The following CTNND2 variants were observed in gnomAD, a reference collection of about 807,000 sequenced individuals.
CTNND2 encodes the protein catenin delta 2.
CTNND2 carries 22 observed loss-of-function variants against 144.4 expected under a neutral mutation model. The observed-to-expected ratio is 0.15, with a 90% CI of 0.11 to 0.22. The LOEUF (loss-of-function observed/expected upper bound fraction) is 0.22. Ranked by LOEUF, CTNND2 falls within the 10% of genes least tolerant of loss-of-function variation. The pLI is 1.00. For missense variants in CTNND2, 1,353 were observed against 1,618.8 expected, an observed-to-expected ratio of 0.84 and a Z score of 2.82; for synonymous variants, 751 against 695.6, an observed-to-expected ratio of 1.08 and a Z score of -1.25.
At chr5:11,277,622 C>T (rs1231352712) in intron 9 of CTNND2, among the ~76,000 whole-genome samples, 1 of 151,902 alleles carries the variant, frequency 6.6e-6, no homozygotes, top group Non-Finnish European at 1.5e-5. Flanking sequence ...GCCTCAACCT[C>T]CGAGGTTCAA....
At chr5:11,234,804 C>G (rs189550540) in intron 10 of CTNND2, among the ~76,000 whole-genome samples, 1 of 152,286 alleles carries the variant, frequency 6.6e-6, no homozygotes, top group East Asian at 1.9e-4. Flanking sequence ...CTTCTGACAG[C>G]TTTGAAGCCT....
At chr5:11,044,458 T>A (rs1352447538) in intron 16 of CTNND2, among the ~76,000 whole-genome samples, 1 of 151,968 alleles carries the variant, frequency 6.6e-6, no homozygotes, top group Non-Finnish European at 1.5e-5. Context: ...ATTTTCTATG[T>A]ACATTTCATA....
intron 9 of CTNND2, among the ~76,000 whole-genome samples, chr5:11,268,091 G>A (rs891478343): frequency 6.6e-6 from 1 of 152,162 alleles, no homozygotes; most frequent in African/African-American, 2.4e-5. Flanking sequence ...AAAGAAGTAG[G>A]GGTTTTTAGA....
intron 15 of CTNND2, among the ~76,000 whole-genome samples, chr5:11,093,501 A>G (rs116185962): frequency 6.6e-6 from 1 of 152,284 alleles, no homozygotes; most frequent in African/African-American, 2.4e-5. Flanking sequence ...TGAGTGTTTT[A>G]AAGTTTAAAA....
chr5:11,331,382 G>A (rs1020150416), intron 9 of CTNND2, among the ~76,000 whole-genome samples: 1 of 152,244 alleles, frequency 6.6e-6, no homozygotes, highest in Non-Finnish European at 1.5e-5. Flanking sequence ...CAGAACTTTG[G>A]TTCTAAAGGC....
At chr5:11,472,512 G>A (rs1228329895) in intron 3 of CTNND2, among the ~76,000 whole-genome samples, 4 of 152,054 alleles carry the variant, frequency 2.6e-5, no homozygotes, top group South Asian at 2.1e-4. Context: ...TTAAATCTAT[G>A]AGTGTATTTG....
At chr5:11,530,292 G>A (rs1339773589) in intron 3 of CTNND2, among the ~76,000 whole-genome samples, 1 of 152,054 alleles carries the variant, frequency 6.6e-6, no homozygotes, top group African/African-American at 2.4e-5. Context: ...AAATGGGTAG[G>A]AGTTGAATAA....
chr5:11,181,504 G>A (rs1580511860), intron 11 of CTNND2, among the ~76,000 whole-genome samples: 1 of 152,160 alleles, frequency 6.6e-6, no homozygotes, highest in African/African-American at 2.4e-5. Context: ...AGCTCTAAAA[G>A]CACTGTGGAA....
chr5:11,357,662 G>A (rs10038483), intron 8 of CTNND2, among the ~76,000 whole-genome samples: 38,390 of 151,810 alleles, frequency 0.25, 5,163 homozygotes, highest in South Asian at 0.34. Context: ...GTATATTACA[G>A]AATAGCTAGA....
intron 9 of CTNND2, among the ~76,000 whole-genome samples, chr5:11,314,931 T>C (rs1285034617): frequency 6.6e-6 from 1 of 152,224 alleles, no homozygotes; most frequent in Non-Finnish European, 1.5e-5. Context: ...ATAAAGTTTT[T>C]TTAGAATAAG....
chr5:11,120,398 G>A (rs1753976720), intron 12 of CTNND2, among the ~76,000 whole-genome samples: 1 of 151,604 alleles, frequency 6.6e-6, no homozygotes, highest in Admixed American at 6.6e-5. Context: ...GTGAGGCTCA[G>A]TATACATACG....
At chr5:11,552,772 A>C (rs1360066409) in intron 3 of CTNND2, among the ~76,000 whole-genome samples, 1 of 152,242 alleles carries the variant, frequency 6.6e-6, no homozygotes, top group Non-Finnish European at 1.5e-5. Flanking sequence ...AGTCATCCCA[A>C]GATTGATGAC....
intron 8 of CTNND2, 70 bp from the exon 9 acceptor site, chr5:11,346,697 G>A (rs1754828761): frequency 7.4e-7 from 1 of 1,346,750 alleles, no homozygotes; most frequent in Non-Finnish European, 9.6e-7. Context: ...ACCAGGTCTA[G>A]GCAGGGGCAG....
At chr5:11,667,050 G>A (rs542727874) in intron 2 of CTNND2, among the ~76,000 whole-genome samples, 1 of 152,152 alleles carries the variant, frequency 6.6e-6, no homozygotes, top group African/African-American at 2.4e-5. Flanking sequence ...AGTTTACTGA[G>A]AATGATGGTT....
At chr5:11,565,988 T>C (rs1777062742) in intron 2 of CTNND2, among the ~76,000 whole-genome samples, 1 of 152,216 alleles carries the variant, frequency 6.6e-6, no homozygotes, top group Admixed American at 6.5e-5. Context: ...GAATGCTTTC[T>C]CATACTGAAA....
At chr5:11,011,594 G>A (rs1177810328) in intron 18 of CTNND2, among the ~76,000 whole-genome samples, 1 of 152,186 alleles carries the variant, frequency 6.6e-6, no homozygotes. Flanking sequence ...GATTCTTAGA[G>A]CAAAATGAGC....
chr5:11,174,590 G>A (rs535494897), intron 11 of CTNND2, among the ~76,000 whole-genome samples: 1 of 151,978 alleles, frequency 6.6e-6, no homozygotes, highest in African/African-American at 2.4e-5. Flanking sequence ...ATACTGAGCC[G>A]CAGTTCCCAT....
chr5:11,392,493 A>G (rs1581097747), intron 6 of CTNND2, among the ~76,000 whole-genome samples: 1 of 152,244 alleles, frequency 6.6e-6, no homozygotes, highest in Non-Finnish European at 1.5e-5. Context: ...GGCTCATTTA[A>G]TATAACTGCA....
intron 2 of CTNND2, among the ~76,000 whole-genome samples, chr5:11,713,743 A>C (rs1786175045): frequency 6.6e-6 from 1 of 152,176 alleles, no homozygotes; most frequent in South Asian, 2.1e-4. Context: ...CAGACAAATA[A>C]AATGTAACAC....
Sources: allele counts gnomAD v4.1 joint callset (sites outside exome capture counted in the v4.1 genomes callset), GRCh38; gene constraint gnomAD v4.1.1; transcripts MANE v1.5; gene names NCBI Gene and HGNC (gene_info 2026-07-23, HGNC 2026-07-21).